TMEM132B: variants seen among roughly 807,000 people sequenced by gnomAD.
The protein encoded by TMEM132B is transmembrane protein 132B.
Under a neutral mutation model 90.8 loss-of-function variants are expected in TMEM132B, and 18 were observed. The ratio of observed to expected loss-of-function variants is 0.20; its 90% confidence interval spans 0.14 to 0.29. TMEM132B has a LOEUF of 0.29. Ranked by LOEUF, TMEM132B falls within the 10% of genes least tolerant of loss-of-function variation. TMEM132B has a pLI of 1.00. For missense variants in TMEM132B, 1,096 were observed against 1,326.8 expected (o/e 0.83, Z 2.70); for synonymous variants, 504 against 523.3 (o/e 0.96, Z 0.50).
rs189785843 is a variant in TMEM132B, at chr12:125,364,049, C to T, written c.959+13706C>T. Among the ~76,000 whole-genome samples, 16 of 152,252 alleles carry T rather than the reference C, an allele frequency of 1.1e-4. No homozygotes were observed. The East Asian group carries it at 1.7e-3, about 17-fold the overall frequency. ...ATCTACAGTAGCATACAGTTTAAAACGTGCAATATATTCATAATTCTATTT... is the reference window on the plus strand; with the variant it reads ...ATCTACAGTAGCATACAGTTTAAAATGTGCAATATATTCATAATTCTATTT... On this transcript the variant is annotated intron_variant, in intron 2 of 8. Transcript: ENST00000682704.
chr12:125,465,677 A>G (rs1053234558), intron 3 of TMEM132B, among the ~76,000 whole-genome samples: 1 of 152,218 alleles, frequency 6.6e-6, no homozygotes, highest in South Asian at 2.1e-4. Context: ...ACAATCTTAC[A>G]TACTTTATTG....
At chr12:125,417,486 C>T (rs1208679989) in intron 3 of TMEM132B, among the ~76,000 whole-genome samples, 4 of 152,114 alleles carry the variant, frequency 2.6e-5, no homozygotes, top group Non-Finnish European at 4.4e-5. Context: ...CTCTTTGAAG[C>T]TGGTTTCTGT....
In TMEM132B at chr12:125,406,710, C is replaced by T. The variant is rs1879495358; in HGVS notation, c.960-8821C>T. Among the ~76,000 whole-genome samples, 1 of 152,188 alleles carries T rather than the reference C, an allele frequency of 6.6e-6. No homozygotes were observed. Among genetic ancestry groups the T allele is most frequent in the Non-Finnish European group, 1.5e-5 (1 of 68,028 alleles). ...CAGACAGTGAAAGACTTGACCCACC[C>T]ACTGGAAAGCTGGGAAGGTCTCAAG... On this transcript the variant is annotated intron_variant, in intron 2 of 8. Coordinates refer to ENST00000682704, the MANE Select transcript of TMEM132B (RefSeq NM_001366854.1). The surrounding 1 kb of genome is among the most constrained non-coding windows in gnomAD (Gnocchi z 8.3).
intron 3 of TMEM132B, among the ~76,000 whole-genome samples, chr12:125,515,779 CAT>C (rs1285867651): frequency 6.6e-6 from 1 of 151,676 alleles, no homozygotes; most frequent in Non-Finnish European, 1.5e-5. Context: ...CACATTTGCA[CAT>C]CTCTTTCACA....
chr12:125,453,779 C>T (rs755655389), intron 3 of TMEM132B, among the ~76,000 whole-genome samples: 2 of 152,182 alleles, frequency 1.3e-5, no homozygotes, highest in Non-Finnish European at 2.9e-5. Context: ...CACACATTAG[C>T]TTATTAAACC....
intron 3 of TMEM132B, among the ~76,000 whole-genome samples, chr12:125,509,264 G>A (rs902688613): frequency 1.3e-5 from 2 of 152,184 alleles, no homozygotes; most frequent in Non-Finnish European, 2.9e-5. Flanking sequence ...GGTCCTGGAC[G>A]CTCCACTTCA....
At chr12:125,491,467 C>A (rs1386082438) in intron 3 of TMEM132B, among the ~76,000 whole-genome samples, 3 of 152,182 alleles carry the variant, frequency 2.0e-5, no homozygotes, top group African/African-American at 4.8e-5. Context: ...ATTAACCAAA[C>A]TTCCTTCAAA....
Position 125,566,462 on chromosome 12 carries a change from G to A in TMEM132B, c.1294-17389G>A, listed in dbSNP as rs73416343. ...TTCTGATTTTTGTTGATTTTCACTC[G>A]TATACCCAACAACATTTCGAGCATT... On this transcript the variant is annotated intron_variant, in intron 4 of 8. Transcript: ENST00000682704. Among the ~76,000 whole-genome samples, 1,377 of 152,238 alleles carry A rather than the reference G, an allele frequency of 9.0e-3. 15 individuals carry two copies. The highest frequency in any genetic ancestry group is 0.031 in the African/African-American group (1,271 of 41,512).
chr12:125,578,266 A>G (rs749410107), intron 4 of TMEM132B, among the ~76,000 whole-genome samples: 1 of 152,036 alleles, frequency 6.6e-6, no homozygotes, highest in South Asian at 2.1e-4. Flanking sequence ...TTTTGACCTC[A>G]TGTATTTTGG....
Position 125,408,828 on chromosome 12 carries a change from A to G in TMEM132B, c.960-6703A>G, listed in dbSNP as rs1418283777. Among the ~76,000 whole-genome samples, 1 of 152,180 alleles carries G rather than the reference A, an allele frequency of 6.6e-6. No homozygotes were observed. Among genetic ancestry groups the G allele is most frequent in the Non-Finnish European group, 1.5e-5 (1 of 68,036 alleles). ...AAAGAGGTTGAACCAAATTACACTCATTCCAGCAATGTTCACGAGTCCCAG... is the reference window on the plus strand; with the variant it reads ...AAAGAGGTTGAACCAAATTACACTCGTTCCAGCAATGTTCACGAGTCCCAG... On this transcript the variant is annotated intron_variant, in intron 2 of 8. Coordinates refer to ENST00000682704, the MANE Select transcript of TMEM132B (RefSeq NM_001366854.1). This position sits in a 1 kb window ranked among gnomAD's most constrained non-coding sequence, Gnocchi z 5.9.
intron 1 of TMEM132B, among the ~76,000 whole-genome samples, chr12:125,314,622 C>T (rs541951321): frequency 3.5e-4 from 53 of 152,238 alleles, no homozygotes; most frequent in South Asian, 8.3e-4. Flanking sequence ...AACTGGGAAC[C>T]GCACAAGAGG....
rs1279087373 is a variant in TMEM132B, at chr12:125,187,613, G to A, written c.67+747G>A. On this transcript the variant is annotated intron_variant, in intron 1 of 8. Coordinates refer to ENST00000682704, the MANE Select transcript of TMEM132B (RefSeq NM_001366854.1). The stretch of plus-strand genomic sequence containing the variant: ...TGGGCACCGGGGAGCTGGACTCCCT[G>A]CTGAACCAGCTCAGCTGTCGCCCAA... 9.2e-5 allele frequency among the ~76,000 whole-genome samples: 14 copies of A among 152,366 alleles called. No individual in the cohort carries two copies. The East Asian group carries it at 2.1e-3, about 23-fold the overall frequency.
At chr12:125,534,718 A>T (rs143199293) in intron 4 of TMEM132B, among the ~76,000 whole-genome samples, 3 of 68,340 alleles carry the variant, frequency 4.4e-5, no homozygotes, top group African/African-American at 1.6e-4. Context: ...TATTTTTATT[A>T]TTACTATTAC....
chr12:125,287,181 T>G lies in TMEM132B; in HGVS notation c.68-62271T>G, dbSNP rs566993099. On this transcript the variant is annotated intron_variant, in intron 1 of 8. Transcript: ENST00000682704. ...TTGCCCCGACCTTTTCCTCCCTCCC[T>G]CCTCTGCTTCTGTGGCCCCGTCTCC... 8.1e-3 allele frequency among the ~76,000 whole-genome samples: 1,227 copies of G among 152,068 alleles called. 10 individuals carry two copies. Among genetic ancestry groups the G allele is most frequent in the Middle Eastern group, 0.017 (5 of 294 alleles).
intron 4 of TMEM132B, among the ~76,000 whole-genome samples, chr12:125,552,696 T>C (rs1467958720): frequency 6.6e-6 from 1 of 152,258 alleles, no homozygotes; most frequent in Admixed American, 6.5e-5. Flanking sequence ...TTGTATCAGC[T>C]TTTTGCATGA....
chr12:125,252,335 G>T (rs1169490554), intron 1 of TMEM132B, among the ~76,000 whole-genome samples: 1 of 152,178 alleles, frequency 6.6e-6, no homozygotes, highest in Non-Finnish European at 1.5e-5. Context: ...CAGGCCTCCG[G>T]TTCCCACGGT....
intron 4 of TMEM132B, among the ~76,000 whole-genome samples, chr12:125,549,243 A>G (rs978325356): frequency 2.6e-4 from 39 of 152,234 alleles, no homozygotes; most frequent in African/African-American, 8.9e-4. Flanking sequence ...AGCATTTATC[A>G]GGTTAATCTC....
chr12:125,646,275 C>T (rs1343859968), intron 6 of TMEM132B, among the ~76,000 whole-genome samples: 1 of 152,120 alleles, frequency 6.6e-6, no homozygotes, highest in Non-Finnish European at 1.5e-5. Context: ...CATCTTGCTG[C>T]TAATAGCAGA....
Position 125,246,675 on chromosome 12 carries a change from T to TA in TMEM132B, c.67+59809_67+59810insA, listed in dbSNP as rs1258693415. Among the ~76,000 whole-genome samples the TA allele has an allele frequency of 6.6e-6, 1 of 152,234 alleles. No individual in the cohort carries two copies. Among genetic ancestry groups the TA allele is most frequent in the Non-Finnish European group, 1.5e-5 (1 of 68,042 alleles). ...TTGGCTTCAGAGAACAAACAAATAC[T>TA]GATTTTTCCATTTCGGGCTCTTTTG... is the stretch of plus-strand genomic sequence containing the variant. On this transcript the variant is annotated intron_variant, in intron 1 of 8. Transcript: ENST00000682704. The surrounding 1 kb of genome is among the most constrained non-coding windows in gnomAD (Gnocchi z 4.2).
Sources: gnomAD v4.1 joint callset for allele counts (sites outside exome capture counted in the v4.1 genomes callset) on GRCh38, gnomAD v4.1.1 for gene constraint, Gnocchi (gnomAD v3.1) non-coding constraint, MANE v1.5 for transcripts, NCBI Gene and HGNC (gene_info 2026-07-23, HGNC 2026-07-21) for gene names.